Variants in TRAP1 observed in about 807,000 individuals in gnomAD.
TRAP1 encodes TNF receptor associated protein 1, also known as heat shock protein 75 kDa, mitochondrial.
A neutral mutation model predicts 89.1 loss-of-function variants in TRAP1; 102 were observed. That is an observed-to-expected ratio of 1.15 (90% CI 0.98 to 1.35). The LOEUF (loss-of-function observed/expected upper bound fraction) is 1.35. Ranked by LOEUF, TRAP1 falls within the 40% of genes most tolerant of loss-of-function variation. The pLI is 0.00. For missense variants in TRAP1, 1,256 were observed against 945.3 expected (o/e 1.33, Z -4.31); for synonymous variants, 508 against 388.0 (o/e 1.31, Z -3.64).
intron 1 of TRAP1, among the ~76,000 whole-genome samples, chr16:3,709,794 G>T (rs1037264327): frequency 1.3e-5 from 2 of 152,114 alleles, no homozygotes; most frequent in African/African-American, 4.8e-5. Context: ...GGGATTACAG[G>T]CATGCGCCAC....
intron 2 of TRAP1, among the ~76,000 whole-genome samples, chr16:3,690,075 G>A (rs1018163688): frequency 1.3e-5 from 2 of 151,960 alleles, no homozygotes; most frequent in African/African-American, 2.4e-5. Context: ...TGGCAGGATC[G>A]TGCTCACTGC....
chr16:3,682,387 C>CG (rs987151835), intron 4 of TRAP1, among the ~76,000 whole-genome samples: 1 of 78,376 alleles, frequency 1.3e-5, no homozygotes, highest in African/African-American at 4.9e-5. Flanking sequence ...CCTGCCTCTA[C>CG]AAAAAAAAAA....
intron 1 of TRAP1, among the ~76,000 whole-genome samples, chr16:3,692,527 T>C (rs1421610986): frequency 6.8e-6 from 1 of 147,992 alleles, no homozygotes; most frequent in Non-Finnish European, 1.5e-5. Flanking sequence ...CAGAGCAACA[T>C]TCTGTCTCAA....
intron 1 of TRAP1, among the ~76,000 whole-genome samples, chr16:3,698,591 C>T (rs1297519942): frequency 2.0e-5 from 3 of 151,944 alleles, no homozygotes; most frequent in Non-Finnish European, 2.9e-5. Flanking sequence ...CGTGAGCCAC[C>T]GCGCCCGGCT....
chr16:3,667,719 TATAA>T (rs1301568524), intron 11 of TRAP1, among the ~76,000 whole-genome samples: 1 of 151,270 alleles, frequency 6.6e-6, no homozygotes, highest in Non-Finnish European at 1.5e-5. Flanking sequence ...AATCAGCCCA[TATAA>T]ATAAATTATA....
chr16:3,658,465 C>T (rs750841749), intron 17 of TRAP1: 39 of 580,944 alleles, frequency 6.7e-5, no homozygotes, highest in Middle Eastern at 4.5e-4. Flanking sequence ...CGGTGGCTCA[C>T]GAGGTCAGGA....
At chr16:3,671,053 A>G (rs2050906426) in intron 11 of TRAP1, among the ~76,000 whole-genome samples, 1 of 152,180 alleles carries the variant, frequency 6.6e-6, no homozygotes, top group South Asian at 2.1e-4. Context: ...GAAACACTGC[A>G]GGCACGTTGG....
At position 3,710,877 on chromosome 16, in the gene TRAP1, A is replaced by ATTTTTT. The variant is rs1461150566; in HGVS notation, c.88+6543_88+6544insAAAAAA. On this transcript the variant is annotated intron_variant, in intron 1 of 17. Coordinates refer to ENST00000246957, the MANE Select transcript of TRAP1 (RefSeq NM_016292.3). ...TGTGTGTATATATATATATATATAT[A>ATTTTTT]TATTTTTTTTTTTGAGACACTGTCA... Among the ~76,000 whole-genome samples, 123 of 93,594 alleles carry ATTTTTT rather than the reference A, an allele frequency of 1.3e-3. 2 individuals carry two copies. The highest frequency in any genetic ancestry group is 5.4e-3 in the African/African-American group (120 of 22,228). The allele number at this position is 93,594 out of a possible 152,430, so 61.4% of individuals were successfully genotyped here.
intron 9 of TRAP1, 64 bp downstream of exon 9, chr16:3,674,275 G>T: frequency 6.3e-7 from 1 of 1,579,080 alleles, no homozygotes. Context: ...GACATCTGCA[G>T]AGCTGATGCC....
chr16:3,659,832 C>G (rs550427018), intron 16 of TRAP1: 3 of 152,008 alleles, frequency 2.0e-5, no homozygotes, highest in South Asian at 2.1e-4. Context: ...CTTGGCTCAC[C>G]GCAGCCTCCT....
chr16:3,659,780 G>A (rs1227451771), intron 16 of TRAP1: 1 of 146,550 alleles, frequency 6.8e-6, no homozygotes, highest in Non-Finnish European at 1.5e-5. Context: ...TAGATAGATA[G>A]ACTCTCACTC....
rs111539095 is a variant in TRAP1 at position 3,685,965 on chromosome 16, C to T, written c.471+31G>A. The T allele has an allele frequency of 4.5e-4, 724 of 1,605,476 alleles. 4 individuals carry two copies. The African/African-American group carries it at 8.5e-3, about 19-fold the overall frequency. The stretch of plus-strand genomic sequence containing the variant: ...TCCTGTCCTTGCTGCATGGCCGGGC[C>T]TGCCACACGCCTGGACACTGAGGGA... On this transcript the variant is annotated intron_variant, in intron 4 of 17. Coordinates refer to ENST00000246957, the MANE Select transcript of TRAP1 (RefSeq NM_016292.3).
intron 11 of TRAP1, among the ~76,000 whole-genome samples, chr16:3,668,767 A>T (rs555193568): frequency 6.6e-5 from 10 of 152,222 alleles, no homozygotes; most frequent in Non-Finnish European, 4.4e-5. Flanking sequence ...GAGCAGGACC[A>T]CCCCTCTGTG....
rs137972282 is a variant in TRAP1, at chr16:3,714,181, T to C, written c.88+3240A>G. ...AGCAGCTCTTGTTTCTCTAATGTGC[T>C]GTCCAGGCCACCAAGATGGCCCTGG... On this transcript the variant is annotated intron_variant, in intron 1 of 17. Transcript: ENST00000246957. Among the ~76,000 whole-genome samples the C allele has an allele frequency of 1.1e-3, 165 of 152,328 alleles. 1 individual carries two copies. The highest frequency in any genetic ancestry group is 3.7e-3 in the African/African-American group (152 of 41,576).
Position 3,702,214 on chromosome 16 carries a change from G to A in TRAP1, c.89-11229C>T, listed in dbSNP as rs765689587. Among the ~76,000 whole-genome samples the A allele has an allele frequency of 7.9e-5, 12 of 151,010 alleles. No homozygotes were observed. The East Asian group carries it at 1.7e-3, about 22-fold the overall frequency. ...ACTTGAAAGCTGGTATGGACACATCGGATGAGGAATTCAGTCTAGGGGCCT... is the reference window on the plus strand; with the variant it reads ...ACTTGAAAGCTGGTATGGACACATCAGATGAGGAATTCAGTCTAGGGGCCT... On this transcript the variant is annotated intron_variant, in intron 1 of 17. Coordinates refer to ENST00000246957, the MANE Select transcript of TRAP1 (RefSeq NM_016292.3).
intron 1 of TRAP1, among the ~76,000 whole-genome samples, chr16:3,716,359 A>G (rs2051597939): frequency 1.3e-5 from 2 of 152,254 alleles, no homozygotes; most frequent in Non-Finnish European, 2.9e-5. Context: ...ATGTAAGGCT[A>G]AAGAAATACC....
chr16:3,704,833 G>C (rs1277802614), intron 1 of TRAP1, among the ~76,000 whole-genome samples: 1 of 151,980 alleles, frequency 6.6e-6, no homozygotes, highest in African/African-American at 2.4e-5. Flanking sequence ...GGGCAACATA[G>C]CAAGACCAAC....
chr16:3,710,724 G>A (rs1324581600), intron 1 of TRAP1, among the ~76,000 whole-genome samples: 2 of 152,000 alleles, frequency 1.3e-5, no homozygotes, highest in Non-Finnish European at 2.9e-5. Context: ...TCACTAACCC[G>A]ACACACATAG....
chr16:3,661,846 T>A, intron 16 of TRAP1, 141 bp downstream of exon 16: 1 of 1,139,872 alleles, frequency 8.8e-7, no homozygotes, highest in Non-Finnish European at 1.2e-6. Context: ...CAGCCTAAAC[T>A]GCATACAGCT....
Sources: allele counts gnomAD v4.1 joint callset (sites outside exome capture counted in the v4.1 genomes callset), GRCh38; gene constraint gnomAD v4.1.1; transcripts MANE v1.5; gene names NCBI Gene and HGNC (gene_info 2026-07-23, HGNC 2026-07-21).